The following AOX1 variants were observed in gnomAD, a reference collection of about 807,000 sequenced individuals.
AOX1 encodes the protein aldehyde oxidase.
A neutral mutation model predicts 169.5 loss-of-function variants in AOX1; 153 were observed. The observed-to-expected ratio is 0.90, with a 90% confidence interval of 0.79 to 1.03. AOX1 has a LOEUF of 1.03. AOX1 is among the 50% of genes least tolerant of loss of function. The pLI is 0.00. For synonymous variants in AOX1, 562 were observed against 581.9 expected (o/e 0.97, Z 0.49); for missense variants, 1,656 against 1,663.9 (o/e 1.00, Z 0.08).
At position 200,627,390 on chromosome 2, in the gene AOX1, G is replaced by T. The variant is rs747844388; in HGVS notation, c.2162G>T (p.Arg721Met). ...CACAACTCCTCCTTCAAGCCAGAAAGGAAACTGGAATATGGAAATGTTGAC... is the reference window on the plus strand; with the variant it reads ...CACAACTCCTCCTTCAAGCCAGAAATGAAACTGGAATATGGAAATGTTGAC... ...IQHNSSFKPE[R>M]KLEYGNVDEA... is the part of the protein sequence containing the mutation. The change falls in exon 20 of 35, where the codon AGG (arginine) becomes ATG (methionine). Residue 721 changes from arginine to methionine, a missense_variant. Transcript: ENST00000374700. 4 of 1,613,866 alleles carry T rather than the reference G, an allele frequency of 2.5e-6. No homozygotes were observed. Among genetic ancestry groups the T allele is most frequent in the South Asian group, 2.2e-5 (2 of 91,070 alleles).
At chr2:200,656,613 C>A (rs2035690537) in intron 26 of AOX1, among the ~76,000 whole-genome samples, 1 of 152,044 alleles carries the variant, frequency 6.6e-6, no homozygotes, top group African/African-American at 2.4e-5. Flanking sequence ...AATATGTGTG[C>A]ACACAATTAT....
downstream of AOX1, among the ~76,000 whole-genome samples, chr2:200,680,141 G>T (rs1316082446): frequency 6.6e-6 from 1 of 152,158 alleles, no homozygotes; most frequent in Non-Finnish European, 1.5e-5. Flanking sequence ...CGTATTCTAT[G>T]TTTGGTCTGT....
chr2:200,674,759 T>C (rs971540756), downstream of AOX1, among the ~76,000 whole-genome samples: 2 of 152,156 alleles, frequency 1.3e-5, no homozygotes, highest in Non-Finnish European at 2.9e-5. Context: ...AAACTGGTCC[T>C]CAATTTGACA....
At chr2:200,678,182 C>G (rs568390605), downstream of AOX1, 2 of 152,126 alleles carry the variant, frequency 1.3e-5, no homozygotes, top group Non-Finnish European at 2.9e-5. Flanking sequence ...CTGTGGATAC[C>G]AAAAGAATGC....
rs17636860 is a variant in AOX1 at position 200,616,069 on chromosome 2, C to A, written c.1704+6C>A. 6.3e-7 allele frequency: 1 copy of A among 1,599,712 alleles called. No homozygotes were observed. The highest frequency in any genetic ancestry group is 1.7e-5 in the Admixed American group (1 of 59,906). On this transcript the variant is annotated splice_donor_region_variant and intron_variant, in intron 16 of 34. Coordinates refer to ENST00000374700, the MANE Select transcript of AOX1 (RefSeq NM_001159.4). ...GCAGTACATTAAAGTACCAGGTGAG[C>A]GGTATTTCTTGTTTTTAAAAATTCA...
rs772449063 is a variant in AOX1 at position 200,597,484 on chromosome 2, C to A, written c.288C>A (p.His96Gln). The A allele has an allele frequency of 3.1e-6, 5 of 1,611,858 alleles. No homozygotes were observed. The highest frequency in any genetic ancestry group is 4.2e-6 in the Non-Finnish European group (5 of 1,178,852). ...VTTVEGIGST[H>Q]TRIHPVQERI... is the part of the protein sequence containing the mutation. Reference sequence around the variant, plus strand: ...CAGTAGAAGGCATAGGAAGCACCCACACCAGAATTCATCCTGTTCAGGTGA... The same window carrying A: ...CAGTAGAAGGCATAGGAAGCACCCAAACCAGAATTCATCCTGTTCAGGTGA... The change falls in exon 4 of 35, where the codon CAC (histidine) becomes CAA (glutamine). Residue 96 changes from histidine (H) to glutamine (Q), a missense_variant. By Grantham distance (24) the His-to-Gln change is conservative. Transcript: ENST00000374700.
intron 20 of AOX1, among the ~76,000 whole-genome samples, chr2:200,627,916 G>T (rs1193902434): frequency 1.3e-5 from 2 of 151,968 alleles, no homozygotes; most frequent in East Asian, 1.9e-4. Flanking sequence ...TTCTCTCTCT[G>T]ATTCTCCCTC....
At chr2:200,611,025 T>A (rs746786266) in intron 12 of AOX1, among the ~76,000 whole-genome samples, 5 of 152,066 alleles carry the variant, frequency 3.3e-5, no homozygotes, top group African/African-American at 9.7e-5. Context: ...AGCTAATTTT[T>A]TTGTATTTTT....
chr2:200,625,339 A>G lies in AOX1; in HGVS notation c.2124+1356A>G, dbSNP rs991663726. On this transcript the variant is annotated intron_variant, in intron 19 of 34. Transcript: ENST00000374700. ...ATATTTTGTTTATAAATCTTTGCCC[A>G]ATATCAGGGGCTAAATATCTACTCT... Among the ~76,000 whole-genome samples the G allele has an allele frequency of 3.9e-5, 6 of 152,246 alleles. No homozygotes were observed. The South Asian group carries it at 1.0e-3, about 26-fold the overall frequency.
At chr2:200,587,576 C>T (rs1307899734) in intron 1 of AOX1, among the ~76,000 whole-genome samples, 2 of 152,084 alleles carry the variant, frequency 1.3e-5, no homozygotes, top group Non-Finnish European at 2.9e-5. Context: ...ACATTAGGCC[C>T]CTCAAAAACT....
intron 4 of AOX1, among the ~76,000 whole-genome samples, chr2:200,598,997 A>G (rs2034346536): frequency 6.6e-6 from 1 of 152,178 alleles, no homozygotes; most frequent in African/African-American, 2.4e-5. Context: ...AGACCTGGTC[A>G]TACACAGGCA....
chr2:200,595,082 G>A (rs1271702606), intron 2 of AOX1, among the ~76,000 whole-genome samples, 190 bp from the exon 3 acceptor site: 1 of 151,980 alleles, frequency 6.6e-6, no homozygotes. Flanking sequence ...ACACACAAAA[G>A]GAAATCAAGA....
chr2:200,648,377 C>T (rs1355892574), intron 25 of AOX1, among the ~76,000 whole-genome samples: 2 of 152,228 alleles, frequency 1.3e-5, no homozygotes, highest in Non-Finnish European at 2.9e-5. Context: ...TCTAGCCACC[C>T]AGCAAGTCTA....
At chr2:200,603,217 G>A in intron 6 of AOX1, 50 bp from the exon 7 acceptor site, 1 of 1,432,094 alleles carries the variant, frequency 7.0e-7, no homozygotes, top group Non-Finnish European at 9.9e-7. Context: ...TTATTTACTA[G>A]TTAGTAGAAT....
intron 10 of AOX1, among the ~76,000 whole-genome samples, chr2:200,607,264 G>C (rs2034535330): frequency 6.6e-6 from 1 of 152,302 alleles, no homozygotes; most frequent in East Asian, 1.9e-4. Context: ...CACTGGTTCT[G>C]TTTATGTGAG....
In AOX1 at chr2:200,641,110, A is replaced by G. The variant is rs1266139474; in HGVS notation, c.2581A>G (p.Asn861Asp). Reference sequence around the variant, plus strand: ...TTCTCTTCCCCAGGCTGGATTCATGAACGATGGCAGAATCTTGGCCCTGGA... The same window carrying G: ...TTCTCTTCCCCAGGCTGGATTCATGGACGATGGCAGAATCTTGGCCCTGGA... ...YLGKYKAGFM[N>D]DGRILALDME... The change falls in exon 24 of 35, where the codon AAC becomes GAC. Residue 861 changes from asparagine to aspartate, a missense_variant. By Grantham distance (23) the Asn-to-Asp change is conservative. Coordinates refer to ENST00000374700, the MANE Select transcript of AOX1 (RefSeq NM_001159.4). 6.2e-7 allele frequency: 1 copy of G among 1,613,350 alleles called. No individual in the cohort carries two copies. The highest frequency in any genetic ancestry group is 1.1e-5 in the South Asian group (1 of 90,976).
intron 20 of AOX1, among the ~76,000 whole-genome samples, chr2:200,632,437 C>T (rs1339351462): frequency 6.6e-6 from 1 of 151,748 alleles, no homozygotes; most frequent in Non-Finnish European, 1.5e-5. Context: ...ACATCCCTCT[C>T]CCTTTTTATA....
At chr2:200,662,016 C>T (rs894913287) in intron 30 of AOX1, among the ~76,000 whole-genome samples, 1 of 152,112 alleles carries the variant, frequency 6.6e-6, no homozygotes, top group Non-Finnish European at 1.5e-5. Context: ...AGATGGGTAC[C>T]ATTTTACACC....
At chr2:200,615,410 T>C (rs2034730870) in intron 15 of AOX1, among the ~76,000 whole-genome samples, 1 of 152,202 alleles carries the variant, frequency 6.6e-6, no homozygotes, top group Admixed American at 6.5e-5. Context: ...CAATGTTCAG[T>C]CTTGTGTAAA....
Sources: gnomAD v4.1 joint callset for allele counts (sites outside exome capture counted in the v4.1 genomes callset) on GRCh38, gnomAD v4.1.1 for gene constraint, MANE v1.5 for transcripts, NCBI Gene and HGNC (gene_info 2026-07-23, HGNC 2026-07-21) for gene names.